Variants in RSPO2 observed in about 807,000 individuals in gnomAD.
RSPO2 encodes R-spondin-2.
Under a neutral mutation model 30.9 loss-of-function variants are expected in RSPO2, and 14 were observed. The observed-to-expected ratio is 0.45, with a 90% CI of 0.30 to 0.71. RSPO2 has a LOEUF of 0.71. Among genes scored for constraint, RSPO2 ranks in the 30% least tolerant of loss-of-function variants. RSPO2 has a pLI of 0.08. For synonymous variants in RSPO2, 107 were observed against 96.4 expected, an observed-to-expected ratio of 1.11 and a Z score of -0.64; for missense variants, 264 against 301.9, an observed-to-expected ratio of 0.87 and a Z score of 0.93.
Position 108,049,425 on chromosome 8 carries a change from T to A in RSPO2, c.94+33120A>T, listed in dbSNP as rs140396038. On this transcript the variant is annotated intron_variant, in intron 2 of 5. Coordinates refer to ENST00000276659, the MANE Select transcript of RSPO2 (RefSeq NM_178565.5). ...AAATTACTTTAGATTCTGGGATACATGTGCAGAACATGCAGGTTTGTTACA... is the reference window on the plus strand; with the variant it reads ...AAATTACTTTAGATTCTGGGATACAAGTGCAGAACATGCAGGTTTGTTACA... Among the ~76,000 whole-genome samples, 1,305 of 152,042 alleles carry A rather than the reference T, an allele frequency of 8.6e-3. 38 individuals carry two copies. Among genetic ancestry groups the A allele is most frequent in the African/African-American group, 0.03 (1,240 of 41,418 alleles).
At chr8:107,911,938 T>C (rs1811839893) in intron 5 of RSPO2, among the ~76,000 whole-genome samples, 1 of 152,074 alleles carries the variant, frequency 6.6e-6, no homozygotes, top group Non-Finnish European at 1.5e-5. Flanking sequence ...TCCCACACAA[T>C]ATCAGGGTTC....
chr8:108,034,615 A>G (rs948081440), intron 2 of RSPO2, among the ~76,000 whole-genome samples: 2 of 152,206 alleles, frequency 1.3e-5, no homozygotes, highest in African/African-American at 4.8e-5. Context: ...TTTGACTGAA[A>G]TATTTCATAA....
rs1812268116 is a variant in RSPO2, at chr8:108,056,979, C to G, written c.94+25566G>C. Among the ~76,000 whole-genome samples the G allele has an allele frequency of 2.3e-5, 3 of 133,126 alleles. No homozygotes were observed. The Admixed American group carries it at 2.7e-4, about 12-fold the overall frequency. 87.3% of individuals were successfully genotyped at this position (133,126 alleles called of 152,430 possible). A position where few individuals can be genotyped will look rare whatever the true frequency, so the allele number is the denominator to read the frequency against. ...GGCTGAGGCAGGAGAATCTCTTGAA[C>G]CTGGGAGGTGGAGGTTTCAGTGAGT... On this transcript the variant is annotated intron_variant, in intron 2 of 5. Coordinates refer to ENST00000276659, the MANE Select transcript of RSPO2 (RefSeq NM_178565.5).
At chr8:107,974,297 G>A (rs569501672) in intron 3 of RSPO2, among the ~76,000 whole-genome samples, 5 of 151,220 alleles carry the variant, frequency 3.3e-5, no homozygotes, top group South Asian at 4.2e-4. Context: ...GACCAGCCTG[G>A]GCTATGTGAC....
chr8:108,061,679 G>A (rs1419188776), intron 2 of RSPO2, among the ~76,000 whole-genome samples: 4 of 151,822 alleles, frequency 2.6e-5, no homozygotes, highest in Non-Finnish European at 4.4e-5. Context: ...TCTGCACCAA[G>A]CGGACCTAAC....
intron 2 of RSPO2, among the ~76,000 whole-genome samples, chr8:108,056,526 G>A (rs760463598): frequency 6.6e-6 from 1 of 150,452 alleles, no homozygotes; most frequent in Non-Finnish European, 1.5e-5. Context: ...GGGAGGCTGA[G>A]GTGAGAGGAT....
intron 3 of RSPO2, among the ~76,000 whole-genome samples, chr8:107,963,878 A>T (rs946935413): frequency 6.6e-6 from 1 of 152,184 alleles, no homozygotes; most frequent in Non-Finnish European, 1.5e-5. Flanking sequence ...ATTTGAGTGC[A>T]TGAATTATAC....
At chr8:107,933,246 A>C (rs937766012) in intron 5 of RSPO2, among the ~76,000 whole-genome samples, 21 of 152,212 alleles carry the variant, frequency 1.4e-4, no homozygotes, top group African/African-American at 5.1e-4. Flanking sequence ...ATCAGATGGC[A>C]TCATTTTTCT....
rs1354688469 is a variant in RSPO2, at chr8:107,932,033, T to C, written c.616+26047A>G. On this transcript the variant is annotated intron_variant, in intron 5 of 5. Coordinates refer to ENST00000276659, the MANE Select transcript of RSPO2 (RefSeq NM_178565.5). ...TAAAAGACTATCTCCAAAATACAGT[T>C]AATGCTTAAGATCTTGGCAACATGA... 2.6e-5 allele frequency among the ~76,000 whole-genome samples: 4 copies of C among 152,320 alleles called. No homozygotes were observed. In the East Asian group the frequency reaches 7.7e-4, roughly 29 times the overall value.
At position 108,066,990 on chromosome 8, in the gene RSPO2, C is replaced by T. The variant is rs140013642; in HGVS notation, c.94+15555G>A. 1.2e-3 allele frequency among the ~76,000 whole-genome samples: 187 copies of T among 152,274 alleles called. No homozygotes were observed. In the Middle Eastern group the frequency reaches 0.02, roughly 17 times the overall value. ...AAAGTTGAACCTGAATCTAATCCAA[C>T]CTTCAAGGAGAACTTCTAGTTCACA... is the stretch of plus-strand genomic sequence containing the variant. On this transcript the variant is annotated intron_variant, in intron 2 of 5. Coordinates refer to ENST00000276659, the MANE Select transcript of RSPO2 (RefSeq NM_178565.5).
At chr8:108,058,130 A>ATTATT (rs10627030) in intron 2 of RSPO2, among the ~76,000 whole-genome samples, 45,557 of 151,446 alleles carry the variant, frequency 0.3, 7,611 homozygotes, top group African/African-American at 0.46. Context: ...GATAGCTCTT[A>ATTATT]TTGAGATACA....
chr8:107,979,523 G>A (rs995799054), intron 3 of RSPO2, among the ~76,000 whole-genome samples: 1 of 152,158 alleles, frequency 6.6e-6, no homozygotes, highest in Non-Finnish European at 1.5e-5. Flanking sequence ...ACACACTGGG[G>A]ACTGTTGTGG....
At position 107,943,880 on chromosome 8, in the gene RSPO2, T is replaced by C. The variant is rs142196249; in HGVS notation, c.616+14200A>G. Among the ~76,000 whole-genome samples the C allele has an allele frequency of 1.5e-4, 23 of 152,284 alleles. 1 individual carries two copies. The highest frequency in any genetic ancestry group is 3.4e-3 in the Middle Eastern group (1 of 294). ...ACAGATGCAAGACACAGGCATGTGG[T>C]TTTCTTCCACAGGTTTTGACGTAAG... On this transcript the variant is annotated intron_variant, in intron 5 of 5. Transcript: ENST00000276659.
intron 2 of RSPO2, 69 bp downstream of exon 2, chr8:108,082,476 G>T: frequency 8.2e-7 from 1 of 1,226,326 alleles, no homozygotes; most frequent in Non-Finnish European, 1.2e-6. Flanking sequence ...CCGGAGCCAG[G>T]GCGTGAGTGA....
At chr8:108,000,326 TA>T (rs1397792234) in intron 2 of RSPO2, among the ~76,000 whole-genome samples, 3 of 152,140 alleles carry the variant, frequency 2.0e-5, no homozygotes, top group Non-Finnish European at 4.4e-5. Flanking sequence ...TTTGGTTCAA[TA>T]CATTTTACCT....
At chr8:108,072,224 C>A (rs527963372) in intron 2 of RSPO2, among the ~76,000 whole-genome samples, 1 of 151,294 alleles carries the variant, frequency 6.6e-6, no homozygotes, top group Non-Finnish European at 1.5e-5. Flanking sequence ...GATGACACAG[C>A]GCAGATCATT....
At chr8:107,994,651 C>T (rs547254664) in intron 2 of RSPO2, among the ~76,000 whole-genome samples, 8 of 152,014 alleles carry the variant, frequency 5.3e-5, no homozygotes, top group African/African-American at 9.7e-5. Flanking sequence ...GTTTTCACTA[C>T]GCCAAGCAAG....
intron 3 of RSPO2, among the ~76,000 whole-genome samples, chr8:107,985,874 C>T (rs1044258573): frequency 6.6e-6 from 1 of 152,148 alleles, no homozygotes; most frequent in African/African-American, 2.4e-5. Context: ...ACTGCATAAG[C>T]TTCATACTGT....
Position 108,082,719 on chromosome 8 carries a change from C to G in RSPO2, c.-81G>C. 8.1e-7 allele frequency: 1 copy of G among 1,236,892 alleles called. No individual in the cohort carries two copies. Among genetic ancestry groups the G allele is most frequent in the Non-Finnish European group, 1.2e-6 (1 of 856,370 alleles). The allele number at this position is 1,236,892 out of a possible 1,614,324, so 76.6% of individuals were successfully genotyped here. On this transcript the variant is annotated 5_prime_UTR_variant, in exon 2 of 6. Coordinates refer to ENST00000276659, the MANE Select transcript of RSPO2 (RefSeq NM_178565.5). ...GCCCAAAGAGCCGGCGCCGGCCGCG[C>G]TGCTGGGGAGGACTCAGAGGGAGAC...
Sources: gnomAD v4.1 joint callset for allele counts (sites outside exome capture counted in the v4.1 genomes callset) on GRCh38, gnomAD v4.1.1 for gene constraint, MANE v1.5 for transcripts, NCBI Gene and HGNC (gene_info 2026-07-23, HGNC 2026-07-21) for gene names.